USP34: variants seen among roughly 807,000 people sequenced by gnomAD.
The protein encoded by USP34 is ubiquitin specific peptidase 34.
Under a neutral mutation model 460.3 loss-of-function variants are expected in USP34, and 70 were observed. The ratio of observed to expected loss-of-function variants is 0.15; its 90% CI spans 0.13 to 0.19. The LOEUF (loss-of-function observed/expected upper bound fraction) is 0.19, where lower values mean the gene tolerates loss of function less well. Ranked by LOEUF, USP34 falls within the 10% of genes least tolerant of loss-of-function variation. The pLI is 1.00. For missense variants in USP34, 3,985 were observed against 4,236.2 expected (o/e 0.94, Z 1.65); for synonymous variants, 1,647 against 1,405.3 (o/e 1.17, Z -3.85).
intron 76 of USP34, 138 bp downstream of exon 76, chr2:61,192,758 ATTTTC>A: frequency 1.7e-6 from 1 of 583,710 alleles, no homozygotes; most frequent in East Asian, 3.0e-5. Context: ...AATAGCTAGT[ATTTTC>A]ATTCATTCAT....
At chr2:61,343,737 T>G (rs2103765492) in intron 16 of USP34, 78 bp downstream of exon 16, 10 of 1,445,772 alleles carry the variant, frequency 6.9e-6, no homozygotes, top group Non-Finnish European at 8.6e-6. Context: ...CCTTAACTAT[T>G]GAGTCCTTTC....
chr2:61,188,180 A>G lies in USP34; in HGVS notation c.10563T>C (p.Asp3521=), dbSNP rs1015777060. The change falls in exon 80 of 80, where the codon GAT becomes GAC. Residue 3521 remains aspartate (D), a synonymous_variant. Transcript: ENST00000398571. The part of the protein sequence containing the change: ...FSHMQQHDIL[D]TLCRTIESTI... ...TAGATTCAATGGTCCTACACAGGGTATCTAAAATGTCATGTTGCTGCATAT... is the reference window on the plus strand; with the variant it reads ...TAGATTCAATGGTCCTACACAGGGTGTCTAAAATGTCATGTTGCTGCATAT... 1.1e-5 allele frequency: 17 copies of G among 1,614,062 alleles called. No homozygotes were observed. The highest frequency in any genetic ancestry group is 2.7e-5 in the African/African-American group (2 of 74,918).
intron 21 of USP34, among the ~76,000 whole-genome samples, chr2:61,321,075 C>T (rs1037524174): frequency 2.6e-5 from 4 of 152,024 alleles, no homozygotes; most frequent in Admixed American, 2.6e-4. Context: ...ACTTGGGAGG[C>T]TGAGGTGGGA....
chr2:61,349,527 G>C (rs1036692894), intron 12 of USP34, among the ~76,000 whole-genome samples: 1 of 152,014 alleles, frequency 6.6e-6, no homozygotes, highest in African/African-American at 2.4e-5. Flanking sequence ...GAAAGCCCTT[G>C]AAAGCTATGT....
intron 27 of USP34, among the ~76,000 whole-genome samples, chr2:61,302,878 A>G (rs1355052792): frequency 6.6e-6 from 1 of 152,204 alleles, no homozygotes; most frequent in Non-Finnish European, 1.5e-5. Flanking sequence ...ATTCATACAG[A>G]TAACTTCACA....
intron 10 of USP34, among the ~76,000 whole-genome samples, chr2:61,366,174 T>C (rs765338227): frequency 6.6e-6 from 1 of 152,256 alleles, no homozygotes; most frequent in South Asian, 2.1e-4. Context: ...TCCGCCCACG[T>C]TGGCCTCCCA....
At chr2:61,229,670 C>A in intron 58 of USP34, 37 bp from the exon 59 acceptor site, 1 of 1,532,532 alleles carries the variant, frequency 6.5e-7, no homozygotes, top group South Asian at 1.2e-5. Context: ...AGAGCCAACT[C>A]ATCAGGTAAC....
chr2:61,267,339 A>G lies in USP34; in HGVS notation c.5434-1172T>C, dbSNP rs184317496. On this transcript the variant is annotated intron_variant, in intron 41 of 79. Coordinates refer to ENST00000398571, the MANE Select transcript of USP34 (RefSeq NM_014709.4). ...ACAGAAATTTTTGAAATGTTTTTCCATAATGACCTCACCTCTTTCATCTAT... is the reference window on the plus strand; with the variant it reads ...ACAGAAATTTTTGAAATGTTTTTCCGTAATGACCTCACCTCTTTCATCTAT... Among the ~76,000 whole-genome samples the G allele has an allele frequency of 1.4e-3, 217 of 152,338 alleles. 2 individuals carry two copies. Among genetic ancestry groups the G allele is most frequent in the Admixed American group, 0.011 (171 of 15,302 alleles).
intron 62 of USP34, among the ~76,000 whole-genome samples, chr2:61,224,557 C>T (rs955546018): frequency 6.6e-6 from 1 of 152,184 alleles, no homozygotes; most frequent in African/African-American, 2.4e-5. Flanking sequence ...CATTAATTAG[C>T]TTGAATACAT....
intron 41 of USP34, among the ~76,000 whole-genome samples, chr2:61,267,305 G>C (rs1160866847): frequency 1.3e-5 from 2 of 152,102 alleles, no homozygotes; most frequent in African/African-American, 4.8e-5. Flanking sequence ...CTTGAAAGAC[G>C]TACCAAAAAC....
intron 54 of USP34, 32 bp from the exon 55 acceptor site, chr2:61,236,268 C>G: frequency 6.3e-7 from 1 of 1,596,106 alleles, no homozygotes; most frequent in Non-Finnish European, 8.5e-7. Flanking sequence ...TTAAAATTCA[C>G]ACGTAAGATT....
intron 27 of USP34, among the ~76,000 whole-genome samples, chr2:61,309,001 C>A (rs1386353611): frequency 6.6e-6 from 1 of 152,154 alleles, no homozygotes; most frequent in African/African-American, 2.4e-5. Flanking sequence ...TGCCACTGCA[C>A]TCCAGCCTGG....
In USP34 at chr2:61,188,707, C is replaced by T. The variant is rs1292819185; in HGVS notation, c.10036G>A (p.Asp3346Asn). The change falls in exon 80 of 80, where the codon GAT (aspartate) becomes AAT (asparagine). Residue 3346 changes from aspartate (D) to asparagine (N), a missense_variant and splice_region_variant. Around this residue, in one of 14 missense-constraint regions of USP34, gnomAD observed 506 missense variants for 439.0 expected, o/e 1.15. Transcript: ENST00000398571. The stretch of plus-strand genomic sequence containing the variant: ...CTTTTAATGGGAGTTGCTCCTTCAT[C>T]ATCTGTGAAAACACATGCCAAAAGG... The part of the protein sequence containing the change: ...QEAKERKTKD[D>N]EGATPIKRRR... 2 of 1,612,014 alleles carry T rather than the reference C, an allele frequency of 1.2e-6. No individual in the cohort carries two copies. Among genetic ancestry groups the T allele is most frequent in the Non-Finnish European group, 1.7e-6 (2 of 1,179,138 alleles).
At chr2:61,330,443 T>A (rs1357030668) in intron 20 of USP34, among the ~76,000 whole-genome samples, 1 of 152,184 alleles carries the variant, frequency 6.6e-6, no homozygotes, top group Non-Finnish European at 1.5e-5. Flanking sequence ...AGTAACTGAT[T>A]TGTGCAGGGA....
At position 61,248,545 on chromosome 2, in the gene USP34, T is replaced by G. The variant is rs762988675; in HGVS notation, c.6360A>C (p.Glu2120Asp). The change falls in exon 49 of 80, where the codon GAA becomes GAC. Residue 2120 changes from glutamate to aspartate, a missense_variant. Transcript: ENST00000398571. ...PLRLDMTPYTEDFLMGKSERK... is the reference protein window; with the variant it reads ...PLRLDMTPYTDDFLMGKSERK... ...TCTCACTCTTTCCCATAAGAAAATCTTCTGTATAGGGCGTCATGTCCAAAC... is the reference window on the plus strand; with the variant it reads ...TCTCACTCTTTCCCATAAGAAAATCGTCTGTATAGGGCGTCATGTCCAAAC... The G allele has an allele frequency of 2.5e-6, 4 of 1,587,350 alleles. No homozygotes were observed. In the African/African-American group the frequency reaches 5.4e-5, roughly 21 times the overall value.
At chr2:61,252,383 T>A (rs565853634) in intron 48 of USP34, among the ~76,000 whole-genome samples, 1 of 145,006 alleles carries the variant, frequency 6.9e-6, no homozygotes, top group South Asian at 2.3e-4. Flanking sequence ...GCTACTACAG[T>A]AACAATAGCA....
chr2:61,402,053 C>G (rs1006457407), intron 3 of USP34, among the ~76,000 whole-genome samples: 1 of 151,718 alleles, frequency 6.6e-6, no homozygotes, highest in East Asian at 2.0e-4. Flanking sequence ...GAGTTCGAGA[C>G]CAGGCTGGTC....
At chr2:61,313,124 A>G (rs1690645070) in intron 25 of USP34, among the ~76,000 whole-genome samples, 1 of 152,156 alleles carries the variant, frequency 6.6e-6, no homozygotes, top group Non-Finnish European at 1.5e-5. Flanking sequence ...AATTTTATCC[A>G]TATCCTAGTT....
At chr2:61,414,250 T>C (rs2593622) in intron 2 of USP34, among the ~76,000 whole-genome samples, 147,414 of 151,498 alleles carry the variant, frequency 0.97, 71,727 homozygotes, top group East Asian at 1. Flanking sequence ...TCCATCTCTA[T>C]AAAATAAATA....
Sources: gnomAD v4.1 joint callset for allele counts (sites outside exome capture counted in the v4.1 genomes callset) on GRCh38, gnomAD v4.1.1 for gene constraint, gnomAD v4.1.1 regional missense constraint, MANE v1.5 for transcripts, NCBI Gene and HGNC (gene_info 2026-07-23, HGNC 2026-07-21) for gene names.